FTO: variants seen among roughly 807,000 people sequenced by gnomAD.
FTO encodes FTO alpha-ketoglutarate dependent dioxygenase.
A neutral mutation model predicts 63.9 loss-of-function variants in FTO; 47 were observed. That is an observed-to-expected ratio of 0.74 (90% CI 0.58 to 0.94). FTO has a LOEUF of 0.94. Among genes scored for constraint, FTO ranks in the 40% least tolerant of loss-of-function variants. FTO has a pLI of 0.00. For missense variants in FTO, 562 were observed against 618.1 expected, an observed-to-expected ratio of 0.91 and a Z score of 0.96; for synonymous variants, 207 against 224.4, an observed-to-expected ratio of 0.92 and a Z score of 0.69.
chr16:53,904,536 C>A (rs751084409), intron 7 of FTO, among the ~76,000 whole-genome samples: 2 of 152,048 alleles, frequency 1.3e-5, no homozygotes, highest in African/African-American at 4.8e-5. Context: ...GTGATGGGTG[C>A]GGTTAGCGTG....
chr16:54,000,432 T>C (rs2084040392), intron 8 of FTO, among the ~76,000 whole-genome samples: 1 of 152,214 alleles, frequency 6.6e-6, no homozygotes, highest in East Asian at 1.9e-4. Context: ...TTTTCTCAGC[T>C]AATGGTGATT....
chr16:53,900,776 A>T (rs981691552), intron 7 of FTO, among the ~76,000 whole-genome samples: 13 of 152,110 alleles, frequency 8.5e-5, no homozygotes, highest in Non-Finnish European at 1.5e-4. Context: ...AAGGATTTTG[A>T]TAGATGGAGA....
At chr16:53,911,407 A>T (rs2081699102) in intron 7 of FTO, 1 of 703,068 alleles carries the variant, frequency 1.4e-6, no homozygotes, top group Admixed American at 2.0e-5. Flanking sequence ...CAGCGAATGT[A>T]ATAGTGTCGA....
chr16:54,093,163 G>T (rs144655787), intron 8 of FTO, among the ~76,000 whole-genome samples: 1 of 152,136 alleles, frequency 6.6e-6, no homozygotes, highest in East Asian at 1.9e-4. Context: ...TGGCACTTAC[G>T]CATCCAACCC....
intron 8 of FTO, chr16:54,063,706 T>G (rs1272343163): frequency 6.6e-6 from 1 of 151,642 alleles, no homozygotes; most frequent in Non-Finnish European, 1.5e-5. Flanking sequence ...TTTTTTTTTT[T>G]TTTTCAGTAG....
At position 53,810,137 on chromosome 16, in the gene FTO, C is replaced by T. The variant is rs1369653571; in HGVS notation, c.46-3C>T. ...CTTATATGTAATTATTATTTTCAAA[C>T]AGAAACTGAGGCTTCTTGAAGAGCT... On this transcript the variant is annotated splice_polypyrimidine_tract_variant and splice_region_variant and intron_variant, in intron 1 of 8. Coordinates refer to ENST00000471389, the MANE Select transcript of FTO (RefSeq NM_001080432.3). 26 of 1,601,344 alleles carry T rather than the reference C, an allele frequency of 1.6e-5. No individual in the cohort carries two copies. The highest frequency in any genetic ancestry group is 2.2e-5 in the Non-Finnish European group (26 of 1,169,110).
Position 53,826,436 on chromosome 16 carries a change from T to C in FTO, c.696T>C (p.His232=), listed in dbSNP as rs146138389. The change falls in exon 3 of 9, where the codon CAT becomes CAC. Residue 232 remains histidine, a synonymous_variant. Coordinates refer to ENST00000471389, the MANE Select transcript of FTO (RefSeq NM_001080432.3). Reference sequence around the variant, plus strand: ...GGAAAATGGCAGTGAGCTGGCATCATGATGAAAATCTGGTGGACAGGTCAG... The same window carrying C: ...GGAAAATGGCAGTGAGCTGGCATCACGATGAAAATCTGGTGGACAGGTCAG... The part of the protein sequence containing the change: ...GMGKMAVSWH[H]DENLVDRSAV... 4.6e-5 allele frequency: 74 copies of C among 1,614,140 alleles called. No homozygotes were observed. In the African/African-American group the frequency reaches 7.9e-4, roughly 17 times the overall value.
intron 8 of FTO, among the ~76,000 whole-genome samples, chr16:54,029,754 C>T (rs1271105177): frequency 4.6e-5 from 7 of 152,146 alleles, no homozygotes; most frequent in African/African-American, 1.7e-4. Context: ...ATGATATTTA[C>T]TGAACTACAA....
At chr16:53,834,038 T>G (rs1314763658) in intron 3 of FTO, among the ~76,000 whole-genome samples, 2 of 152,176 alleles carry the variant, frequency 1.3e-5, no homozygotes, top group Non-Finnish European at 2.9e-5. Context: ...TTTTTTATTT[T>G]TTTTGAGACG....
intron 7 of FTO, among the ~76,000 whole-genome samples, chr16:53,897,120 G>A (rs571269159): frequency 6.6e-6 from 1 of 152,160 alleles, no homozygotes; most frequent in East Asian, 1.9e-4. Flanking sequence ...ATTCCTGAAA[G>A]GATCTCTGTG....
At chr16:54,026,092 G>T (rs927364305) in intron 8 of FTO, among the ~76,000 whole-genome samples, 1 of 152,188 alleles carries the variant, frequency 6.6e-6, no homozygotes, top group African/African-American at 2.4e-5. Context: ...TGGAGAAATG[G>T]CTCATGTTTG....
At chr16:53,783,051 C>G (rs181337907) in intron 1 of FTO, among the ~76,000 whole-genome samples, 1,554 of 152,222 alleles carry the variant, frequency 0.01, 10 homozygotes, top group African/African-American at 0.015. Context: ...TCGATTGAAC[C>G]TATTATGTAT....
At chr16:54,037,085 C>T (rs565206786) in intron 8 of FTO, among the ~76,000 whole-genome samples, 17 of 152,292 alleles carry the variant, frequency 1.1e-4, no homozygotes, top group Non-Finnish European at 2.4e-4. Context: ...TTTCATGTCT[C>T]AGGTCCAACA....
chr16:53,712,945 G>GTTT (rs111905901), intron 1 of FTO, among the ~76,000 whole-genome samples: 1 of 137,020 alleles, frequency 7.3e-6, no homozygotes, highest in East Asian at 2.1e-4. Context: ...TAGAGATCAT[G>GTTT]TTTTTTTTTT....
chr16:53,949,402 T>A (rs1385168110), intron 8 of FTO, among the ~76,000 whole-genome samples: 2 of 152,204 alleles, frequency 1.3e-5, no homozygotes, highest in African/African-American at 4.8e-5. Flanking sequence ...GTAAAAATAT[T>A]TTTTCCTTTA....
chr16:53,999,268 C>T (rs1229662192), intron 8 of FTO, among the ~76,000 whole-genome samples: 3 of 152,230 alleles, frequency 2.0e-5, no homozygotes, highest in Non-Finnish European at 4.4e-5. Flanking sequence ...AGGCAGAAGT[C>T]ATTAGGCAGG....
intron 8 of FTO, among the ~76,000 whole-genome samples, chr16:54,080,793 T>G (rs191048019): frequency 2.1e-4 from 32 of 151,080 alleles, no homozygotes; most frequent in Admixed American, 2.0e-3. Flanking sequence ...GACTGACTCA[T>G]GTGCAGTTTG....
At chr16:53,987,582 C>CAAA (rs770347637) in intron 8 of FTO, among the ~76,000 whole-genome samples, 9 of 123,026 alleles carry the variant, frequency 7.3e-5, no homozygotes, top group African/African-American at 2.5e-4. Context: ...GACTCTGTCT[C>CAAA]AAAAAAAAAA....
chr16:54,010,049 C>T (rs2084301530), intron 8 of FTO, among the ~76,000 whole-genome samples: 1 of 152,162 alleles, frequency 6.6e-6, no homozygotes, highest in Non-Finnish European at 1.5e-5. Flanking sequence ...GCTAATGTAG[C>T]CATCCCATGA....
Sources: allele counts gnomAD v4.1 joint callset (sites outside exome capture counted in the v4.1 genomes callset), GRCh38; gene constraint gnomAD v4.1.1; transcripts MANE v1.5; gene names NCBI Gene and HGNC (gene_info 2026-07-23, HGNC 2026-07-21).